MRS2: variants seen among roughly 807,000 people sequenced by gnomAD.
MRS2 encodes the protein magnesium transporter MRS2 homolog, mitochondrial.
MRS2 carries 40 observed loss-of-function variants against 52.6 expected under a neutral mutation model. That is an observed-to-expected ratio of 0.76 (90% confidence interval 0.59 to 0.99). MRS2 has a LOEUF of 0.99. MRS2 is among the 50% of genes least tolerant of loss of function. MRS2 has a pLI of 0.00. For missense variants in MRS2, 472 were observed against 532.7 expected (o/e 0.89, Z 1.12); for synonymous variants, 193 against 195.9 (o/e 0.98, Z 0.13).
At chr6:24,418,349 TATTA>T (rs1761925535) in intron 8 of MRS2, 108 bp from the exon 9 acceptor site, 7 of 1,506,208 alleles carry the variant, frequency 4.6e-6, no homozygotes, top group East Asian at 4.6e-5. Flanking sequence ...ACTACATTAT[TATTA>T]TTTTTTTTGT....
Position 24,405,360 on chromosome 6 carries a change from T to G in MRS2, c.264+119T>G, listed in dbSNP as rs1469735268. 5 of 715,716 alleles carry G rather than the reference T, an allele frequency of 7.0e-6. No individual in the cohort carries two copies. The African/African-American group carries it at 7.1e-5, about 10-fold the overall frequency. The allele number at this position is 715,716 out of a possible 1,614,324, so 44.3% of individuals were successfully genotyped here. A position where few individuals can be genotyped will look rare whatever the true frequency, so the allele number is the denominator to read the frequency against. ...GAGCTTTATAATCATCATAGCTACATGTCGTGGCTGTTGTGCCTGGCCAGT... is the reference window on the plus strand; with the variant it reads ...GAGCTTTATAATCATCATAGCTACAGGTCGTGGCTGTTGTGCCTGGCCAGT... On this transcript the variant is annotated intron_variant, in intron 2 of 10. Transcript: ENST00000378386.
intron 5 of MRS2, 54 bp from the exon 6 acceptor site, chr6:24,414,979 G>A: frequency 6.7e-7 from 1 of 1,491,808 alleles, no homozygotes; most frequent in Non-Finnish European, 9.1e-7. Flanking sequence ...CACTGATCCT[G>A]AATATTCTAA....
At chr6:24,422,866 C>G in intron 9 of MRS2, 71 bp from the exon 10 acceptor site, 2 of 1,010,360 alleles carry the variant, frequency 2.0e-6, no homozygotes, top group Non-Finnish European at 1.5e-6. Flanking sequence ...AACTCTGGGG[C>G]AGTAACAATT....
chr6:24,404,696 A>C (rs1420863904), intron 1 of MRS2, among the ~76,000 whole-genome samples: 1 of 152,252 alleles, frequency 6.6e-6, no homozygotes, highest in Non-Finnish European at 1.5e-5. Flanking sequence ...AAGTAAAATC[A>C]TAGGTTTCAT....
At chr6:24,409,596 A>G (rs370588966) in intron 4 of MRS2, 23 bp downstream of exon 4, 10 of 1,385,456 alleles carry the variant, frequency 7.2e-6, no homozygotes, top group East Asian at 4.6e-5. Flanking sequence ...ATTTTCATCT[A>G]TGTTTCTCCA....
chr6:24,416,747 A>G (rs781763141), intron 7 of MRS2, among the ~76,000 whole-genome samples: 1 of 152,212 alleles, frequency 6.6e-6, no homozygotes, highest in Non-Finnish European at 1.5e-5. Flanking sequence ...ATATAAACAC[A>G]CAGTTACCTT....
intron 9 of MRS2, among the ~76,000 whole-genome samples, chr6:24,421,768 A>C (rs1762048721): frequency 6.6e-6 from 1 of 152,240 alleles, no homozygotes; most frequent in African/African-American, 2.4e-5. Flanking sequence ...GTTAATACTG[A>C]AGTTATTTTC....
At chr6:24,408,740 T>C (rs1050345324) in intron 3 of MRS2, among the ~76,000 whole-genome samples, 2 of 151,836 alleles carry the variant, frequency 1.3e-5, no homozygotes, top group African/African-American at 4.8e-5. Flanking sequence ...GACACACTCT[T>C]TTTCTCTTTT....
chr6:24,415,113 T>C lies in MRS2; in HGVS notation c.669T>C (p.His223=). The change falls in exon 6 of 11, where the codon CAT becomes CAC. Residue 223 remains histidine, a synonymous_variant. Transcript: ENST00000378386. ...ETLDALVDPK[H]SSVDRSKLHI... is the part of the protein sequence containing the mutation. ...TGGATGCTTTGGTGGACCCCAAACA[T>C]TCTTCTGTAGACAGAAGCAAACTGC... is the stretch of plus-strand genomic sequence containing the variant. 1.9e-5 allele frequency: 30 copies of C among 1,611,432 alleles called. No homozygotes were observed. Among genetic ancestry groups the C allele is most frequent in the Non-Finnish European group, 2.5e-5 (30 of 1,178,050 alleles).
At chr6:24,421,049 C>A (rs1476769363) in intron 9 of MRS2, among the ~76,000 whole-genome samples, 1 of 152,180 alleles carries the variant, frequency 6.6e-6, no homozygotes, top group South Asian at 2.1e-4. Context: ...AAAGATACAT[C>A]CAAAGACCTT....
In MRS2 at chr6:24,423,000, C is replaced by T. The variant is rs144289622; in HGVS notation, c.1171C>T (p.Arg391Cys). The change falls in exon 10 of 11, where the codon CGC (arginine) becomes TGC (cysteine). Residue 391 changes from arginine to cysteine, a missense_variant. Coordinates refer to ENST00000378386, the MANE Select transcript of MRS2 (RefSeq NM_020662.4). ...MFMGSGLIWR[R>C]LLSFLGRQLE... ...CATGGGAAGTGGCCTCATCTGGAGG[C>T]GCCTGCTTTCATTCCTTGGACGACA... 40 of 1,613,916 alleles carry T rather than the reference C, an allele frequency of 2.5e-5. No homozygotes were observed. The highest frequency in any genetic ancestry group is 3.2e-5 in the Non-Finnish European group (38 of 1,179,982).
At chr6:24,420,580 C>T (rs1457934438) in intron 9 of MRS2, among the ~76,000 whole-genome samples, 1 of 152,054 alleles carries the variant, frequency 6.6e-6, no homozygotes, top group Non-Finnish European at 1.5e-5. Context: ...GGAGAGAGTT[C>T]ATAAACAAAC....
intron 5 of MRS2, among the ~76,000 whole-genome samples, chr6:24,412,811 T>C (rs1761713484): frequency 6.6e-6 from 1 of 152,164 alleles, no homozygotes; most frequent in Non-Finnish European, 1.5e-5. Context: ...TGTCAGGCTC[T>C]AAACAAGGGT....
rs1184848390 is a variant in MRS2 at position 24,423,772 on chromosome 6, T to G, written c.*78T>G. 3.1e-6 allele frequency: 2 copies of G among 640,760 alleles called. No homozygotes were observed. The highest frequency in any genetic ancestry group is 1.8e-5 in the African/African-American group (1 of 54,414). 39.7% of individuals were successfully genotyped at this position (640,760 alleles called of 1,614,324 possible). A position where few individuals can be genotyped will look rare whatever the true frequency, so the allele number is the denominator to read the frequency against. On this transcript the variant is annotated 3_prime_UTR_variant, in exon 11 of 11. Coordinates refer to ENST00000378386, the MANE Select transcript of MRS2 (RefSeq NM_020662.4). Reference sequence around the variant, plus strand: ...TGATACTCTTTTTATTATTTTCTTGTATAGAGTCAGACACTTGAAAAAAAC... The same window carrying G: ...TGATACTCTTTTTATTATTTTCTTGGATAGAGTCAGACACTTGAAAAAAAC...
chr6:24,406,768 C>CT (rs1366938175), intron 2 of MRS2, among the ~76,000 whole-genome samples: 1 of 152,160 alleles, frequency 6.6e-6, no homozygotes, highest in Non-Finnish European at 1.5e-5. Flanking sequence ...GAGCAAGACT[C>CT]TGTCTCAAAA....
At chr6:24,412,492 C>T (rs1761700794) in intron 5 of MRS2, 97 bp downstream of exon 5, 2 of 901,140 alleles carry the variant, frequency 2.2e-6, no homozygotes, top group East Asian at 5.4e-5. Flanking sequence ...TGGCATGTCC[C>T]CTGACCACAT....
At chr6:24,411,816 C>T (rs1761663659) in intron 4 of MRS2, among the ~76,000 whole-genome samples, 1 of 151,116 alleles carries the variant, frequency 6.6e-6, no homozygotes, top group Admixed American at 6.6e-5. Flanking sequence ...GGATTACAGG[C>T]ATGAGCCACC....
At chr6:24,415,385 A>G (rs1761815010) in intron 6 of MRS2, among the ~76,000 whole-genome samples, 1 of 152,194 alleles carries the variant, frequency 6.6e-6, no homozygotes, top group African/African-American at 2.4e-5. Context: ...CCCATTCAAT[A>G]GTTGATATTG....
Position 24,423,599 on chromosome 6 carries a change from A to T in MRS2, c.1237A>T (p.Lys413Ter), listed in dbSNP as rs762828549. 1.2e-6 allele frequency: 2 copies of T among 1,602,260 alleles called. No homozygotes were observed. The highest frequency in any genetic ancestry group is 1.7e-5 in the Admixed American group (1 of 59,324). ...PLPPMMASLP[K>*]KTLLADRSME... ...CTTTATTTAGATGGCTTCTTTACCT[A>T]AAAAGACTCTTCTGGCAGATAGAAG... The change falls in exon 11 of 11, where the codon AAA (lysine) becomes TAA (stop). Residue 413 changes from lysine (K) to a stop codon, truncating the protein, a stop_gained. Coordinates refer to ENST00000378386, the MANE Select transcript of MRS2 (RefSeq NM_020662.4). LOFTEE classifies it high-confidence loss of function.
Sources: gnomAD v4.1 joint callset for allele counts (sites outside exome capture counted in the v4.1 genomes callset) on GRCh38, gnomAD v4.1.1 for gene constraint, MANE v1.5 for transcripts, NCBI Gene and HGNC (gene_info 2026-07-23, HGNC 2026-07-21) for gene names.